Variants in HDAC4 observed in about 807,000 individuals in gnomAD.
The protein encoded by HDAC4 is histone deacetylase 4.
HDAC4 carries 16 observed loss-of-function variants against 135.1 expected under a neutral mutation model. The ratio of observed to expected loss-of-function variants is 0.12; its 90% CI spans 0.08 to 0.18. HDAC4 has a LOEUF of 0.18. Among genes scored for constraint, HDAC4 ranks in the 10% least tolerant of loss-of-function variants. The pLI is 1.00. For synonymous variants in HDAC4, 685 were observed against 653.4 expected (o/e 1.05, Z -0.74); for missense variants, 1,143 against 1,511.8 (o/e 0.76, Z 4.05).
intron 12 of HDAC4, among the ~76,000 whole-genome samples, chr2:239,120,434 A>G (rs2039567626): frequency 8.7e-6 from 1 of 114,686 alleles, no homozygotes; most frequent in Non-Finnish European, 2.0e-5. Context: ...CAGATGCACA[A>G]ATAGACAGAC....
Position 239,094,691 on chromosome 2 carries a change from T to G in HDAC4, c.2280+319A>C, listed in dbSNP as rs2036837636. 10 of 1,226,174 alleles carry G rather than the reference T, an allele frequency of 8.2e-6. No individual in the cohort carries two copies. In the South Asian group the frequency reaches 1.6e-4, roughly 19 times the overall value. The allele number at this position is 1,226,174 out of a possible 1,614,324, so 76.0% of individuals were successfully genotyped here. ...CCCGCACCATACTCGTGGCCTGATG[T>G]GAGCAGATTACTGCCACAGACTTCG... On this transcript the variant is annotated intron_variant, in intron 17 of 26. Coordinates refer to ENST00000543185, the MANE Select transcript of HDAC4 (RefSeq NM_001378414.1).
intron 3 of HDAC4, among the ~76,000 whole-genome samples, chr2:239,193,147 T>C (rs2045117478): frequency 6.6e-6 from 1 of 152,194 alleles, no homozygotes; most frequent in African/African-American, 2.4e-5. Flanking sequence ...CCCCTGCTTA[T>C]AAGATGTGCT....
chr2:239,190,738 C>A (rs2044885410), intron 3 of HDAC4, among the ~76,000 whole-genome samples: 1 of 152,168 alleles, frequency 6.6e-6, no homozygotes, highest in South Asian at 2.1e-4. Flanking sequence ...CTGCACCTCG[C>A]GAAGAAATGG....
rs1559456390 is a variant in HDAC4, at chr2:239,115,207, A to C, written c.1637T>G (p.Leu546Arg). The C allele has an allele frequency of 1.2e-6, 2 of 1,611,932 alleles. No individual in the cohort carries two copies. The highest frequency in any genetic ancestry group is 2.2e-5 in the East Asian group (1 of 44,872). The change falls in exon 13 of 27, where the codon CTG (leucine) becomes CGG (arginine). Residue 546 changes from leucine (L) to arginine (R), a missense_variant. By Grantham distance (102) the Leu-to-Arg change is moderately radical. Around this residue, in one of 9 missense-constraint regions of HDAC4, gnomAD observed 196 missense variants for 210.7 expected, o/e 0.93. Transcript: ENST00000543185. The surrounding 1 kb of genome is among the most constrained non-coding windows in gnomAD (Gnocchi z 6.3). ...EHQALLDEPY[L>R]DRLPGQKEAH... ...CTCCTTCTGCCCCGGCAGCCGGTCC[A>C]GGTAGGGCTCGTCCAGCAGAGCCTG...
chr2:239,287,387 T>C (rs1311056638), intron 2 of HDAC4, among the ~76,000 whole-genome samples: 1 of 152,202 alleles, frequency 6.6e-6, no homozygotes, highest in Non-Finnish European at 1.5e-5. Flanking sequence ...CATGACCAGA[T>C]GGGGTTGTAT....
In HDAC4 at chr2:239,167,531, C is replaced by T. The variant is rs999500904; in HGVS notation, c.491-3608G>A. ...CTTCGATTCATGACCTTTCTAACCA[C>T]CAAGGAATCTTCTTTTGATCTTTCA... On this transcript the variant is annotated intron_variant, in intron 5 of 26. Coordinates refer to ENST00000543185, the MANE Select transcript of HDAC4 (RefSeq NM_001378414.1). The surrounding 1 kb of genome is among the most constrained non-coding windows in gnomAD (Gnocchi z 4.1). Among the ~76,000 whole-genome samples the T allele has an allele frequency of 4.7e-4, 72 of 152,262 alleles. No homozygotes were observed. The highest frequency in any genetic ancestry group is 1.6e-3 in the African/African-American group (66 of 41,560).
intron 2 of HDAC4, among the ~76,000 whole-genome samples, chr2:239,259,305 C>T (rs1215018591): frequency 1.3e-5 from 2 of 152,126 alleles, no homozygotes; most frequent in African/African-American, 2.4e-5. Flanking sequence ...ACAAAATTAG[C>T]CAGGCGTGGT....
intron 12 of HDAC4, among the ~76,000 whole-genome samples, chr2:239,124,922 G>C (rs959002924): frequency 3.3e-5 from 5 of 149,686 alleles, no homozygotes; most frequent in African/African-American, 5.0e-5. Flanking sequence ...CGGTGTGCTG[G>C]CGTGTGGCTG....
At chr2:239,397,917 C>T (rs1293339906) in intron 1 of HDAC4, among the ~76,000 whole-genome samples, 4 of 152,206 alleles carry the variant, frequency 2.6e-5, no homozygotes, top group Admixed American at 2.6e-4. Context: ...ATGCTGACCA[C>T]CTGAAATCAA....
intron 3 of HDAC4, among the ~76,000 whole-genome samples, chr2:239,191,796 G>A (rs974573492): frequency 6.6e-6 from 1 of 152,146 alleles, no homozygotes; most frequent in Non-Finnish European, 1.5e-5. Context: ...GGACTGGCTT[G>A]AACCTGAGGA....
intron 2 of HDAC4, among the ~76,000 whole-genome samples, chr2:239,339,205 G>T (rs1365337203): frequency 6.6e-6 from 1 of 152,224 alleles, no homozygotes; most frequent in African/African-American, 2.4e-5. Context: ...TCTGTCATAA[G>T]AGGGTCTGGG....
At chr2:239,234,827 A>G (rs2047790109) in intron 3 of HDAC4, among the ~76,000 whole-genome samples, 1 of 151,986 alleles carries the variant, frequency 6.6e-6, no homozygotes, top group Non-Finnish European at 1.5e-5. Context: ...TTTGAAGCCC[A>G]CCTTTTTTGG....
intron 2 of HDAC4, among the ~76,000 whole-genome samples, chr2:239,283,434 T>A (rs2050938110): frequency 6.6e-6 from 1 of 152,080 alleles, no homozygotes; most frequent in African/African-American, 2.4e-5. Flanking sequence ...ATGAGCAGGA[T>A]CAGTGCCGAC....
At chr2:239,163,298 T>A (rs558432868) in intron 6 of HDAC4, among the ~76,000 whole-genome samples, 1 of 152,136 alleles carries the variant, frequency 6.6e-6, no homozygotes, top group South Asian at 2.1e-4. Context: ...CAGACAAGAG[T>A]TCCAGTTTAA....
chr2:239,094,930 G>A, intron 17 of HDAC4, 80 bp downstream of exon 17: 4 of 1,610,384 alleles, frequency 2.5e-6, no homozygotes, highest in Admixed American at 3.3e-5. Flanking sequence ...TCACTTTGAG[G>A]GAAGCAAGGC....
At position 239,093,455 on chromosome 2, in the gene HDAC4, T is replaced by C. The variant is rs1253833315; in HGVS notation, c.2280+1555A>G. ...ATGAGGCTCAGGAGAGCTGCATCTGTGCCAGCGACAGCAGGTGCATCCCAC... is the reference window on the plus strand; with the variant it reads ...ATGAGGCTCAGGAGAGCTGCATCTGCGCCAGCGACAGCAGGTGCATCCCAC... On this transcript the variant is annotated intron_variant, in intron 17 of 26. Transcript: ENST00000543185. 2.6e-5 allele frequency among the ~76,000 whole-genome samples: 4 copies of C among 152,338 alleles called. No individual in the cohort carries two copies. In the East Asian group the frequency reaches 7.7e-4, roughly 29 times the overall value.
chr2:239,319,245 T>C (rs573992878), intron 2 of HDAC4, among the ~76,000 whole-genome samples: 1 of 152,332 alleles, frequency 6.6e-6, no homozygotes, highest in South Asian at 2.1e-4. Context: ...TAAGGAGCAG[T>C]GGCCATAGGA....
intron 24 of HDAC4, among the ~76,000 whole-genome samples, chr2:239,057,320 A>G (rs1460450890): frequency 6.6e-6 from 1 of 152,256 alleles, no homozygotes; most frequent in Non-Finnish European, 1.5e-5. Context: ...TATAAATTAT[A>G]AAAAGTAAAT....
chr2:239,096,125 G>A (rs1435369955), intron 16 of HDAC4, among the ~76,000 whole-genome samples: 3 of 152,174 alleles, frequency 2.0e-5, no homozygotes, highest in Non-Finnish European at 4.4e-5. Context: ...GCCATAGGAA[G>A]GAGTTGGCCA....
Sources: allele counts gnomAD v4.1 joint callset (sites outside exome capture counted in the v4.1 genomes callset), GRCh38; gene constraint gnomAD v4.1.1; regional missense constraint gnomAD v4.1.1; non-coding constraint Gnocchi (gnomAD v3.1); transcripts MANE v1.5; gene names NCBI Gene and HGNC (gene_info 2026-07-23, HGNC 2026-07-21).